The following RIMS3 variants were observed in gnomAD, a reference collection of about 807,000 sequenced individuals.
RIMS3 encodes regulating synaptic membrane exocytosis 3.
In RIMS3, 15 loss-of-function variants were observed where a neutral mutation model predicts 29.2. The ratio of observed to expected loss-of-function variants is 0.51; its 90% CI spans 0.34 to 0.79. The LOEUF is 0.79. Among genes scored for constraint, RIMS3 ranks in the 30% least tolerant of loss-of-function variants. The pLI is 0.01. For missense variants in RIMS3, 342 were observed against 421.4 expected, an observed-to-expected ratio of 0.81 and a Z score of 1.65; for synonymous variants, 161 against 170.1, an observed-to-expected ratio of 0.95 and a Z score of 0.41.
At chr1:40,681,352 T>C in the RIMS3 span, 1 of 151,544 alleles carries the variant, frequency 6.6e-6, no homozygotes, top group African/African-American at 2.4e-5. Context: ...TGTGATTGAA[T>C]AGAAATCAGA....
chr1:40,641,345 G>A (rs144721644), intron 3 of RIMS3, among the ~76,000 whole-genome samples: 2 of 152,204 alleles, frequency 1.3e-5, no homozygotes, highest in Non-Finnish European at 2.9e-5. Flanking sequence ...GGATCATAAG[G>A]CTGTTTAATA....
At chr1:40,669,564 G>A (rs1488147132), upstream of RIMS3, 1 of 152,232 alleles carries the variant, frequency 6.6e-6, no homozygotes, top group Non-Finnish European at 1.5e-5. Flanking sequence ...AAGCGGTGGG[G>A]GCAGTGGGGA....
At chr1:40,681,071 T>C in the RIMS3 span, among the ~76,000 whole-genome samples, 1 of 152,330 alleles carries the variant, frequency 6.6e-6, no homozygotes, top group South Asian at 2.1e-4. Context: ...CTTGTTTGCA[T>C]TGTCTATTTC....
At chr1:40,663,042 C>T (rs1406963042) in intron 1 of RIMS3, among the ~76,000 whole-genome samples, 1 of 152,100 alleles carries the variant, frequency 6.6e-6, no homozygotes, top group African/African-American at 2.4e-5. Context: ...TCACACACAC[C>T]CCAGCTGGTA....
At chr1:40,650,259 T>C (rs1040447673) in intron 1 of RIMS3, among the ~76,000 whole-genome samples, 2 of 152,190 alleles carry the variant, frequency 1.3e-5, no homozygotes, top group Non-Finnish European at 2.9e-5. Flanking sequence ...AGGGTCACCA[T>C]GGGCCTTCAC....
rs773904040 is a variant in RIMS3, at chr1:40,636,069, C to G, written c.218-12G>C. On this transcript the variant is annotated splice_polypyrimidine_tract_variant and intron_variant, in intron 3 of 7. Transcript: ENST00000372684. This position sits in a 1 kb window ranked among gnomAD's most constrained non-coding sequence, Gnocchi z 4.2. ...CTTGGTGGCCCCTTCTGTGACCCCC[C>G]CAACCCCAAGCACAGAGAGGGAACA... 2 of 1,602,006 alleles carry G rather than the reference C, an allele frequency of 1.2e-6. No homozygotes were observed. The highest frequency in any genetic ancestry group is 8.5e-7 in the Non-Finnish European group (1 of 1,179,890).
intron 4 of RIMS3, 56 bp from the exon 5 acceptor site, chr1:40,633,237 G>T: frequency 7.1e-7 from 1 of 1,400,708 alleles, no homozygotes. Flanking sequence ...GAGGATGAAA[G>T]TATAGCTGGC....
rs1001105205 is a variant in RIMS3, at chr1:40,622,492, C to A, written c.*4025G>T. ...TAGAAGAAGCAGCATTTTAAAGAATCTCTTTACATGTCAGGATACTGGAGA... is the reference window on the plus strand; with the variant it reads ...TAGAAGAAGCAGCATTTTAAAGAATATCTTTACATGTCAGGATACTGGAGA... On this transcript the variant is annotated 3_prime_UTR_variant, in exon 8 of 8. Transcript: ENST00000372684. The A allele has an allele frequency of 6.6e-6, 1 of 152,236 alleles. No homozygotes were observed. Among genetic ancestry groups the A allele is most frequent in the African/African-American group, 2.4e-5 (1 of 41,438 alleles). 9.4% of individuals were successfully genotyped at this position (152,236 alleles called of 1,614,324 possible).
At chr1:40,687,134 C>T in the RIMS3 span, among the ~76,000 whole-genome samples, 4 of 152,138 alleles carry the variant, frequency 2.6e-5, no homozygotes, top group Non-Finnish European at 4.4e-5. Flanking sequence ...ACAGAAGCAT[C>T]ATTCACAGTG....
chr1:40,633,197 G>T lies in RIMS3; in HGVS notation c.360-16C>A. On this transcript the variant is annotated splice_polypyrimidine_tract_variant and intron_variant, in intron 4 of 7. Coordinates refer to ENST00000372684, the MANE Select transcript of RIMS3 (RefSeq NM_014747.3). ...GAAGATGAACCTGCAGGAGGAGGCAGAGGGACGCGTGAGGGGGTCAGGGCA... is the reference window on the plus strand; with the variant it reads ...GAAGATGAACCTGCAGGAGGAGGCATAGGGACGCGTGAGGGGGTCAGGGCA... 9.3e-6 allele frequency: 15 copies of T among 1,606,834 alleles called. No homozygotes were observed. The highest frequency in any genetic ancestry group is 1.3e-5 in the Non-Finnish European group (15 of 1,173,622).
At chr1:40,629,013 C>G in intron 6 of RIMS3, 64 bp from the exon 7 acceptor site, 1 of 1,591,982 alleles carries the variant, frequency 6.3e-7, no homozygotes, top group Non-Finnish European at 8.6e-7. Context: ...CCTGCCCATC[C>G]CCTAACTGCC....
rs1358094999 is a variant in RIMS3 at position 40,654,704 on chromosome 1, C to A, written c.-206-6862G>T. Among the ~76,000 whole-genome samples the A allele has an allele frequency of 5.3e-5, 8 of 152,078 alleles. No individual in the cohort carries two copies. The highest frequency in any genetic ancestry group is 1.0e-4 in the Non-Finnish European group (7 of 67,994). ...TGCAGAAAAACTCCCTCGCAGAGAA[C>A]TGCAGACATATCGCATGAAGATACA... On this transcript the variant is annotated intron_variant, in intron 1 of 7. Transcript: ENST00000372684. This position sits in a 1 kb window ranked among gnomAD's most constrained non-coding sequence, Gnocchi z 5.3.
chr1:40,691,230 A>G, the RIMS3 span: 2 of 155,074 alleles, frequency 1.3e-5, no homozygotes, highest in African/African-American at 4.8e-5. Flanking sequence ...ACATCACTTT[A>G]CAGTTTGGTG....
chr1:40,667,526 G>C (rs534405277), upstream of RIMS3, among the ~76,000 whole-genome samples: 1 of 152,320 alleles, frequency 6.6e-6, no homozygotes, highest in East Asian at 1.9e-4. Flanking sequence ...CTCTGGAGAT[G>C]TGCAATGTAT....
chr1:40,641,619 G>A, intron 3 of RIMS3, 90 bp downstream of exon 3: 1 of 1,279,642 alleles, frequency 7.8e-7, no homozygotes, highest in Non-Finnish European at 1.1e-6. Flanking sequence ...TGTGGGCATG[G>A]AAGTGCAGAC....
chr1:40,683,044 GTC>G, the RIMS3 span, among the ~76,000 whole-genome samples: 1 of 151,986 alleles, frequency 6.6e-6, no homozygotes, highest in Non-Finnish European at 1.5e-5. Context: ...CAGATCTTTT[GTC>G]TCTTTCTCTC....
chr1:40,666,080 G>C (rs1412314141), upstream of RIMS3, among the ~76,000 whole-genome samples: 1 of 152,158 alleles, frequency 6.6e-6, no homozygotes, highest in Non-Finnish European at 1.5e-5. Context: ...ACTTACAAAC[G>C]TCAAGTCCAT....
the RIMS3 span, among the ~76,000 whole-genome samples, chr1:40,679,705 T>G: frequency 6.6e-6 from 1 of 152,116 alleles, no homozygotes; most frequent in African/African-American, 2.4e-5. Flanking sequence ...AGAGTGGTCA[T>G]GTGAACTCAG....
rs368328929 is a variant in RIMS3 at position 40,660,370 on chromosome 1, T to C, written c.-207+5024A>G. Among the ~76,000 whole-genome samples the C allele has an allele frequency of 5.8e-4, 86 of 149,540 alleles. 1 individual carries two copies. Among genetic ancestry groups the C allele is most frequent in the African/African-American group, 1.2e-3 (49 of 40,742 alleles). ...GGAAGCAGTCACACCTGCAGATTGT[T>C]GGGGCTTCTTTTTTTTTTTTTTTTT... On this transcript the variant is annotated intron_variant, in intron 1 of 7. Coordinates refer to ENST00000372684, the MANE Select transcript of RIMS3 (RefSeq NM_014747.3).
Sources: gnomAD v4.1 joint callset for allele counts (sites outside exome capture counted in the v4.1 genomes callset) on GRCh38, gnomAD v4.1.1 for gene constraint, Gnocchi (gnomAD v3.1) non-coding constraint, MANE v1.5 for transcripts, NCBI Gene and HGNC (gene_info 2026-07-23, HGNC 2026-07-21) for gene names.